Variants in CSPG4 observed in about 807,000 individuals in gnomAD.
CSPG4 encodes chondroitin sulfate proteoglycan 4 (melanoma-associated).
In CSPG4, 74 loss-of-function variants were observed where a neutral mutation model predicts 139.3. The ratio of observed to expected loss-of-function variants is 0.53; its 90% confidence interval spans 0.44 to 0.64. CSPG4 has a LOEUF of 0.64. CSPG4 is among the 30% of genes least tolerant of loss of function. The pLI is 0.00. For synonymous variants in CSPG4, 1,234 were observed against 1,394.2 expected, an observed-to-expected ratio of 0.89 and a Z score of 2.56; for missense variants, 2,565 against 3,148.3, an observed-to-expected ratio of 0.81 and a Z score of 4.43.
At chr15:75,686,145 G>A (rs944475421) in intron 3 of CSPG4, among the ~76,000 whole-genome samples, 2 of 152,172 alleles carry the variant, frequency 1.3e-5, no homozygotes, top group African/African-American at 4.8e-5. Context: ...CGGTTGCAGG[G>A]GGTCGGTCAC....
At chr15:75,693,435 T>C (rs1894190840) in intron 1 of CSPG4, among the ~76,000 whole-genome samples, 2 of 152,226 alleles carry the variant, frequency 1.3e-5, no homozygotes, top group African/African-American at 2.4e-5. Context: ...GCTCACCTTG[T>C]GTCCAGCCCA....
At chr15:75,713,272 C>T (rs1894475779), upstream of CSPG4, among the ~76,000 whole-genome samples, 1 of 152,192 alleles carries the variant, frequency 6.6e-6, no homozygotes, top group South Asian at 2.1e-4. Context: ...GCTGCTTTGC[C>T]TCGGAGGTCC....
Position 75,689,372 on chromosome 15 carries a change from T to C in CSPG4, c.1693A>G (p.Ile565Val), listed in dbSNP as rs377148300. The C allele has an allele frequency of 6.2e-7, 1 of 1,612,366 alleles. No homozygotes were observed. Among genetic ancestry groups the C allele is most frequent in the Non-Finnish European group, 8.5e-7 (1 of 1,179,846 alleles). The change falls in exon 3 of 10, where the codon ATC (isoleucine) becomes GTC (valine). Residue 565 changes from isoleucine to valine, a missense_variant. Coordinates refer to ENST00000308508, the MANE Select transcript of CSPG4 (RefSeq NM_001897.5). The stretch of plus-strand genomic sequence containing the variant: ...AGCGGCTTCTGCGTGTGTTCCAGGA[T>C]CACCATGAGGCTGCCATGTGGGAAG... ...IIFPHGSLMV[I>V]LEHTQKPLGP...
At position 75,682,736 on chromosome 15, in the gene CSPG4, G is replaced by C; in HGVS notation, c.4654C>G (p.Leu1552Val). 14 of 1,612,796 alleles carry C rather than the reference G, an allele frequency of 8.7e-6. No homozygotes were observed. The highest frequency in any genetic ancestry group is 1.1e-5 in the Non-Finnish European group (13 of 1,179,954). The change falls in exon 7 of 10, where the codon CTG (leucine) becomes GTG (valine). Residue 1552 changes from leucine to valine, a missense_variant. This residue lies in a region of CSPG4 where 2,316 missense variants were observed against 2,818.2 expected (regional missense o/e 0.82). Transcript: ENST00000308508. ...GLVLFSHRGTLDGGFRFRLSD... is the reference protein window; with the variant it reads ...GLVLFSHRGTVDGGFRFRLSD... ...AGGCGGAAGCGGAAGCCTCCATCCA[G>C]GGTTCCTGGGGACAGGGGCATTGGG...
Position 75,687,889 on chromosome 15 carries a change from G to T in CSPG4, c.3176C>A (p.Thr1059Asn), listed in dbSNP as rs781329655. The T allele has an allele frequency of 2.3e-5, 37 of 1,612,826 alleles. No homozygotes were observed. The South Asian group carries it at 2.6e-4, about 11-fold the overall frequency. The change falls in exon 3 of 10, where the codon ACC becomes AAC. Residue 1059 changes from threonine to asparagine, a missense_variant. By Grantham distance (65) the Thr-to-Asn change is moderately conservative. Around this residue, in one of 5 missense-constraint regions of CSPG4, gnomAD observed 2,316 missense variants for 2,818.2 expected, o/e 0.82. Transcript: ENST00000308508. This position sits in a 1 kb window ranked among gnomAD's most constrained non-coding sequence, Gnocchi z 5.4. ...ACTGCCAAAGAGGAGGTCCTTGCGG[G>T]TAAGCACCAGCTGGGCGTCAGCAAA... Reference protein sequence around the residue: ...SGFADAQLVLTRKDLLFGSIV... With the variant: ...SGFADAQLVLNRKDLLFGSIV...
In CSPG4 at chr15:75,675,372, C is replaced by T. The variant is rs1893874082; in HGVS notation, c.*178G>A. ...GAGTGAGCTGAGGGAGGTTCCAGCT[C>T]TTGACTCCACTCTGTCCCGGACCCC... On this transcript the variant is annotated 3_prime_UTR_variant, in exon 10 of 10. Coordinates refer to ENST00000308508, the MANE Select transcript of CSPG4 (RefSeq NM_001897.5). 6.6e-6 allele frequency: 4 copies of T among 606,070 alleles called. No individual in the cohort carries two copies. The highest frequency in any genetic ancestry group is 9.7e-6 in the Non-Finnish European group (4 of 413,554). 37.5% of individuals were successfully genotyped at this position (606,070 alleles called of 1,614,324 possible). A position where few individuals can be genotyped will look rare whatever the true frequency, so the allele number is the denominator to read the frequency against.
intron 1 of CSPG4, among the ~76,000 whole-genome samples, chr15:75,707,950 C>T (rs1179602209): frequency 5.3e-5 from 8 of 151,872 alleles, no homozygotes; most frequent in Non-Finnish European, 1.0e-4. Flanking sequence ...ACCCCCCAAA[C>T]CAGGGCCAAA....
Position 75,689,775 on chromosome 15 carries a change from C to T in CSPG4, c.1290G>A (p.Gln430=), listed in dbSNP as rs1379315813. ...GLPPVFANFT[Q]LLTISPLVVA... The stretch of plus-strand genomic sequence containing the variant: ...CCACCAGTGGGCTGATAGTCAGCAG[C>T]TGGGTGAAATTGGCAAAGACAGGAG... Residue 430 remains glutamine (Q), a synonymous_variant, in exon 3 of 10, where the codon CAG becomes CAA. Transcript: ENST00000308508. 3.7e-6 allele frequency: 6 copies of T among 1,612,460 alleles called. No homozygotes were observed. In the African/African-American group the frequency reaches 8.0e-5, roughly 22 times the overall value.
intron 1 of CSPG4, among the ~76,000 whole-genome samples, chr15:75,702,565 G>A (rs901367364): frequency 2.6e-5 from 4 of 152,156 alleles, no homozygotes; most frequent in Non-Finnish European, 5.9e-5. Flanking sequence ...CCAGTGGGAG[G>A]GGCTGCCTCT....
In CSPG4 at chr15:75,682,680, G is replaced by A; in HGVS notation, c.4710C>T (p.His1570=). 1 of 1,613,104 alleles carries A rather than the reference G, an allele frequency of 6.2e-7. No homozygotes were observed. Among genetic ancestry groups the A allele is most frequent in the Non-Finnish European group, 8.5e-7 (1 of 1,180,020 alleles). ...LSDGEHTSPG[H]FFRVTAQKQV... ...GCTTCTGGGCCGTCACTCGGAAGAA[G>A]TGTCCGGGGGAAGTGTGCTCGCCGT... Residue 1570 remains histidine (H), a synonymous_variant, in exon 7 of 10, where the codon CAC becomes CAT. Coordinates refer to ENST00000308508, the MANE Select transcript of CSPG4 (RefSeq NM_001897.5).
chr15:75,682,587 C>A lies in CSPG4; in HGVS notation c.4783+20G>T, dbSNP rs373172676. On this transcript the variant is annotated intron_variant, in intron 7 of 9. Coordinates refer to ENST00000308508, the MANE Select transcript of CSPG4 (RefSeq NM_001897.5). ...CCCCAGCTCCTGGCACCCAGGAATG[C>A]CCATGATCAGCACACCCACCTGGGC... 9.3e-6 allele frequency: 15 copies of A among 1,611,726 alleles called. No homozygotes were observed. Among genetic ancestry groups the A allele is most frequent in the Non-Finnish European group, 7.6e-6 (9 of 1,179,256 alleles).
chr15:75,699,651 G>A (rs748799691), intron 1 of CSPG4, among the ~76,000 whole-genome samples: 2 of 152,234 alleles, frequency 1.3e-5, no homozygotes, highest in African/African-American at 2.4e-5. Flanking sequence ...GAGGAAGCAG[G>A]AGGGGAAATG....
intron 1 of CSPG4, among the ~76,000 whole-genome samples, chr15:75,705,461 G>A (rs906185701): frequency 6.6e-6 from 1 of 152,244 alleles, no homozygotes; most frequent in Non-Finnish European, 1.5e-5. Flanking sequence ...AGCTTCAGGA[G>A]CAGATGTCCA....
intron 1 of CSPG4, among the ~76,000 whole-genome samples, chr15:75,702,410 GAC>G (rs1894316608): frequency 6.6e-6 from 1 of 152,274 alleles, no homozygotes; most frequent in Admixed American, 6.5e-5. Context: ...GGGGTGCAAA[GAC>G]ACTCGCTGCG....
rs1385601384 is a variant in CSPG4, at chr15:75,689,756, G to A, written c.1309C>T (p.Leu437=). Residue 437 remains leucine (L), a synonymous_variant, in exon 3 of 10, where the codon CTG becomes TTG. Coordinates refer to ENST00000308508, the MANE Select transcript of CSPG4 (RefSeq NM_001897.5). ...GCTGTGCCCCCCTCGGCCACCACCA[G>A]TGGGCTGATAGTCAGCAGCTGGGTG... ...NFTQLLTISP[L]VVAEGGTAWL... is the part of the protein sequence containing the mutation. The A allele has an allele frequency of 3.7e-6, 6 of 1,612,602 alleles. No homozygotes were observed. Among genetic ancestry groups the A allele is most frequent in the Non-Finnish European group, 4.2e-6 (5 of 1,179,734 alleles).
chr15:75,699,997 C>T (rs1489790902), intron 1 of CSPG4, among the ~76,000 whole-genome samples: 2 of 152,260 alleles, frequency 1.3e-5, no homozygotes, highest in East Asian at 1.9e-4. Context: ...AGTGAAGGAC[C>T]CTCACTTGGC....
chr15:75,689,170 C>T lies in CSPG4; in HGVS notation c.1895G>A (p.Gly632Asp). 1 of 1,601,962 alleles carries T rather than the reference C, an allele frequency of 6.2e-7. No individual in the cohort carries two copies. The highest frequency in any genetic ancestry group is 1.1e-5 in the South Asian group (1 of 89,826). The change falls in exon 3 of 10, where the codon GGT (glycine) becomes GAT (aspartate). Residue 632 changes from glycine (G) to aspartate (D), a missense_variant. Gly to Asp is a moderately conservative substitution (Grantham distance 94). This residue lies in a region of CSPG4 where 2,316 missense variants were observed against 2,818.2 expected (regional missense o/e 0.82). Transcript: ENST00000308508. ...EAGSLVYVHR[G>D]GPAQDLTFRV... ...GAACGTCAAGTCCTGTGCAGGACCA[C>T]CGCGGTGGACATAGACTAGGCTGCC...
chr15:75,675,221 C>G lies in CSPG4; in HGVS notation c.*329G>C. 1 of 302,868 alleles carries G rather than the reference C, an allele frequency of 3.3e-6. No individual in the cohort carries two copies. The highest frequency in any genetic ancestry group is 6.0e-6 in the Non-Finnish European group (1 of 165,504). The allele number at this position is 302,868 out of a possible 1,614,324, so 18.8% of individuals were successfully genotyped here. ...GGCGCGACTTACCCAAGGTCACAGA[C>G]CCAGGACCCAGAGTCATGACCCATG... On this transcript the variant is annotated 3_prime_UTR_variant, in exon 10 of 10. Transcript: ENST00000308508.
Position 75,687,251 on chromosome 15 carries a change from C to A in CSPG4, c.3789+25G>T. The A allele has an allele frequency of 6.2e-7, 1 of 1,608,442 alleles. No homozygotes were observed. The highest frequency in any genetic ancestry group is 1.1e-5 in the South Asian group (1 of 90,850). ...AAGGCCCTCTACCTGGCCCACACCC[C>A]TGCTCACCACCTCCAACTCCTCACC... On this transcript the variant is annotated intron_variant, in intron 3 of 9. Coordinates refer to ENST00000308508, the MANE Select transcript of CSPG4 (RefSeq NM_001897.5). This position sits in a 1 kb window ranked among gnomAD's most constrained non-coding sequence, Gnocchi z 5.4.
Sources: gnomAD v4.1 joint callset for allele counts (sites outside exome capture counted in the v4.1 genomes callset) on GRCh38, gnomAD v4.1.1 for gene constraint, gnomAD v4.1.1 regional missense constraint, Gnocchi (gnomAD v3.1) non-coding constraint, MANE v1.5 for transcripts, NCBI Gene and HGNC (gene_info 2026-07-23, HGNC 2026-07-21) for gene names.